Variants in SLC15A1 observed in about 807,000 individuals in gnomAD.
The protein encoded by SLC15A1 is Caco-2 oligopeptide transporter.
A neutral mutation model predicts 92.9 loss-of-function variants in SLC15A1; 83 were observed. The ratio of observed to expected loss-of-function variants is 0.89; its 90% CI spans 0.75 to 1.07. The LOEUF is 1.07. Among genes scored for constraint, SLC15A1 ranks in the 50% least tolerant of loss-of-function variants. The pLI is 0.00. For missense variants in SLC15A1, 857 were observed against 880.1 expected, an observed-to-expected ratio of 0.97 and a Z score of 0.33; for synonymous variants, 322 against 318.2, an observed-to-expected ratio of 1.01 and a Z score of -0.13.
At chr13:98,697,305 C>T (rs1324420602) in intron 18 of SLC15A1, among the ~76,000 whole-genome samples, 6 of 152,202 alleles carry the variant, frequency 3.9e-5, no homozygotes, top group South Asian at 4.1e-4. Context: ...CTGCCTGCCT[C>T]GCCTTCCCAA....
chr13:98,738,276 A>G (rs1466738976), intron 1 of SLC15A1, among the ~76,000 whole-genome samples: 5 of 152,260 alleles, frequency 3.3e-5, no homozygotes. Context: ...TTTTCAGCAG[A>G]GGAATTCAAG....
chr13:98,750,791 G>A (rs940923112), intron 1 of SLC15A1, among the ~76,000 whole-genome samples: 9 of 149,824 alleles, frequency 6.0e-5, no homozygotes, highest in African/African-American at 1.2e-4. Context: ...TTACTCTGTC[G>A]CGGAGGCTGG....
intron 1 of SLC15A1, among the ~76,000 whole-genome samples, chr13:98,735,543 G>C (rs1227453696): frequency 6.6e-6 from 1 of 152,216 alleles, no homozygotes; most frequent in Non-Finnish European, 1.5e-5. Context: ...GAATTGAATA[G>C]TCAAATTGTC....
intron 1 of SLC15A1, 36 bp from the exon 2 acceptor site, chr13:98,726,895 G>A (rs569103779): frequency 6.2e-7 from 1 of 1,610,192 alleles, no homozygotes; most frequent in Admixed American, 1.7e-5. Context: ...TTAAAGTCAA[G>A]CCATTACAAT....
rs1213792721 is a variant in SLC15A1 at position 98,709,559 on chromosome 13, A to C, written c.1067+13T>G. 1 of 1,612,960 alleles carries C rather than the reference A, an allele frequency of 6.2e-7. No homozygotes were observed. Among genetic ancestry groups the C allele is most frequent in the South Asian group, 1.1e-5 (1 of 90,920 alleles). On this transcript the variant is annotated intron_variant, in intron 14 of 22. Transcript: ENST00000376503. Reference sequence around the variant, plus strand: ...AAGGGAGCCTCAACCAACCCAACCCACCCGTCACCTACGTGAAATTGAAGC... The same window carrying C: ...AAGGGAGCCTCAACCAACCCAACCCCCCCGTCACCTACGTGAAATTGAAGC...
At position 98,752,671 on chromosome 13, in the gene SLC15A1, A is replaced by G. The variant is rs8187815; in HGVS notation, c.-73T>C. ...TGGCAGGTGCTACTCCTCCGACCTG[A>G]CGTCCAGGCCCGGCCCCGTTGCCCC... is the stretch of plus-strand genomic sequence containing the variant. On this transcript the variant is annotated 5_prime_UTR_variant, in exon 1 of 23. Transcript: ENST00000376503. The G allele has an allele frequency of 3.7e-3, 4,563 of 1,225,070 alleles. 153 individuals are homozygous for G. In the African/African-American group the frequency reaches 0.064, roughly 17 times the overall value. 75.9% of individuals were successfully genotyped at this position (1,225,070 alleles called of 1,614,324 possible). A position where few individuals can be genotyped will look rare whatever the true frequency, so the allele number is the denominator to read the frequency against.
At chr13:98,732,085 C>T (rs11618901) in intron 1 of SLC15A1, among the ~76,000 whole-genome samples, 2 of 152,326 alleles carry the variant, frequency 1.3e-5, no homozygotes, top group African/African-American at 4.8e-5. Flanking sequence ...TCTTAGAAAG[C>T]TCAAATGCAG....
intron 14 of SLC15A1, 75 bp from the exon 15 acceptor site, chr13:98,708,842 T>TC: frequency 1.1e-6 from 1 of 883,930 alleles, no homozygotes; most frequent in Non-Finnish European, 1.5e-6. Flanking sequence ...ACCCCCACCA[T>TC]CCCCCCAACA....
At chr13:98,689,259 T>C (rs554384985) in intron 18 of SLC15A1, among the ~76,000 whole-genome samples, 1 of 152,094 alleles carries the variant, frequency 6.6e-6, no homozygotes, top group African/African-American at 2.4e-5. Flanking sequence ...AGCGCTCAAG[T>C]AGTGAAAGAC....
In SLC15A1 at chr13:98,726,453, A is replaced by G. The variant is rs775469916; in HGVS notation, c.22-4T>C. On this transcript the variant is annotated splice_polypyrimidine_tract_variant and splice_region_variant and intron_variant, in intron 2 of 22. Coordinates refer to ENST00000376503, the MANE Select transcript of SLC15A1 (RefSeq NM_005073.4). ...TCAGGGGATAACCAAAGAAACTCTG[A>G]CAAAAAAGAAACAAGCACAGGATTG... 2 of 1,613,370 alleles carry G rather than the reference A, an allele frequency of 1.2e-6. No homozygotes were observed. The highest frequency in any genetic ancestry group is 3.3e-5 in the Admixed American group (2 of 60,016).
chr13:98,688,089 T>A (rs1359951982), intron 20 of SLC15A1, among the ~76,000 whole-genome samples, 159 bp downstream of exon 20: 1 of 152,246 alleles, frequency 6.6e-6, no homozygotes, highest in African/African-American at 2.4e-5. Context: ...AAGTCATCAA[T>A]AAGTTAAAGA....
At position 98,726,878 on chromosome 13, in the gene SLC15A1, C is replaced by A. The variant is rs200304118; in HGVS notation, c.5-19G>T. On this transcript the variant is annotated intron_variant, in intron 1 of 22. Transcript: ENST00000376503. ...GACATTCCTAAAAGAAAAACAGAAT[C>A]CCAATATTAAAGTCAAGCCATTACA... The A allele has an allele frequency of 1.7e-5, 27 of 1,612,880 alleles. No homozygotes were observed. The highest frequency in any genetic ancestry group is 2.2e-5 in the Non-Finnish European group (26 of 1,178,868).
intron 1 of SLC15A1, among the ~76,000 whole-genome samples, chr13:98,746,096 C>T (rs557717530): frequency 6.6e-6 from 1 of 152,222 alleles, no homozygotes; most frequent in African/African-American, 2.4e-5. Context: ...CTCATCATTT[C>T]GCTGCTGCTT....
At chr13:98,715,559 G>A (rs1164731620) in intron 9 of SLC15A1, among the ~76,000 whole-genome samples, 1 of 152,168 alleles carries the variant, frequency 6.6e-6, no homozygotes, top group Non-Finnish European at 1.5e-5. Flanking sequence ...TTGCCAAATT[G>A]AGCCTCCCCA....
chr13:98,737,671 T>C (rs1434048676), intron 1 of SLC15A1, among the ~76,000 whole-genome samples: 1 of 152,144 alleles, frequency 6.6e-6, no homozygotes, highest in African/African-American at 2.4e-5. Flanking sequence ...GAGCCAATTA[T>C]ATCTCTTTTC....
intron 1 of SLC15A1, among the ~76,000 whole-genome samples, chr13:98,733,144 G>C (rs1044179233): frequency 6.6e-6 from 1 of 152,168 alleles, no homozygotes; most frequent in South Asian, 2.1e-4. Flanking sequence ...TTCTCCCCGA[G>C]AGCCTTTCAA....
At chr13:98,739,025 C>T (rs955225792) in intron 1 of SLC15A1, among the ~76,000 whole-genome samples, 1 of 152,224 alleles carries the variant, frequency 6.6e-6, no homozygotes, top group African/African-American at 2.4e-5. Context: ...GGATGTGGGA[C>T]ATAGAATTAC....
At chr13:98,718,653 C>A (rs2088230543) in intron 8 of SLC15A1, among the ~76,000 whole-genome samples, 1 of 152,048 alleles carries the variant, frequency 6.6e-6, no homozygotes, top group South Asian at 2.1e-4. Context: ...CCTGTTGCTA[C>A]TAACAATAAA....
rs772759102 is a variant in SLC15A1, at chr13:98,723,972, G to A, written c.305C>T (p.Ser102Phe). ...GTTGTGGTCTGTGAGGTCATTAATGGAGCTTACTGAGGTGACTGCTTGTCC... is the reference window on the plus strand; with the variant it reads ...GTTGTGGTCTGTGAGGTCATTAATGAAGCTTACTGAGGTGACTGCTTGTCC... ...TIGQAVTSVS[S>F]INDLTDHNHD... Residue 102 changes from serine to phenylalanine, a missense_variant, in exon 5 of 23, where the codon TCC becomes TTC. Physicochemically the swap from Ser to Phe is radical, Grantham distance 155 (BLOSUM62 -2). Transcript: ENST00000376503. 6.2e-7 allele frequency: 1 copy of A among 1,614,174 alleles called. No homozygotes were observed. Among genetic ancestry groups the A allele is most frequent in the Admixed American group, 1.7e-5 (1 of 60,022 alleles).
Sources: allele counts gnomAD v4.1 joint callset (sites outside exome capture counted in the v4.1 genomes callset), GRCh38; gene constraint gnomAD v4.1.1; transcripts MANE v1.5; gene names NCBI Gene and HGNC (gene_info 2026-07-23, HGNC 2026-07-21).